HECTD2: variants seen among roughly 807,000 people sequenced by gnomAD.
HECTD2 encodes HECT domain E3 ubiquitin protein ligase 2.
A neutral mutation model predicts 103.2 loss-of-function variants in HECTD2; 35 were observed. The ratio of observed to expected loss-of-function variants is 0.34; its 90% confidence interval spans 0.26 to 0.45. HECTD2 has a LOEUF of 0.45. HECTD2 is among the 20% of genes least tolerant of loss of function. HECTD2 has a pLI of 1.00. For synonymous variants in HECTD2, 281 were observed against 329.9 expected (o/e 0.85, Z 1.61); for missense variants, 596 against 937.4 (o/e 0.64, Z 4.76).
At chr10:91,452,562 G>T (rs567850466) in intron 2 of HECTD2, among the ~76,000 whole-genome samples, 1 of 152,086 alleles carries the variant, frequency 6.6e-6, no homozygotes, top group South Asian at 2.1e-4. Context: ...TGGGTTAATG[G>T]ATTCATGGGT....
At chr10:91,430,994 G>A (rs913618365) in intron 2 of HECTD2, among the ~76,000 whole-genome samples, 1 of 151,242 alleles carries the variant, frequency 6.6e-6, no homozygotes, top group African/African-American at 2.5e-5. Context: ...TTACATTTTG[G>A]CATGATTTTG....
At position 91,487,906 on chromosome 10, in the gene HECTD2, T is replaced by C. The variant is rs1846323199; in HGVS notation, c.1191+128T>C. ...AATGTTAAAAGCAAAATTCGTGTTA[T>C]ACTCACCCAAAAAGTGCTTAAAAAC... is the stretch of plus-strand genomic sequence containing the variant. On this transcript the variant is annotated intron_variant, in intron 11 of 20. Coordinates refer to ENST00000298068, the MANE Select transcript of HECTD2 (RefSeq NM_182765.6). The surrounding 1 kb of genome is among the most constrained non-coding windows in gnomAD (Gnocchi z 4.1). 4 of 574,672 alleles carry C rather than the reference T, an allele frequency of 7.0e-6. No homozygotes were observed. Among genetic ancestry groups the C allele is most frequent in the South Asian group, 6.2e-5 (2 of 32,484 alleles). 35.6% of individuals were successfully genotyped at this position (574,672 alleles called of 1,614,324 possible). A position where few individuals can be genotyped will look rare whatever the true frequency, so the allele number is the denominator to read the frequency against.
Position 91,493,405 on chromosome 10 carries a change from C to A in HECTD2, c.1433-15C>A. 4 of 1,398,142 alleles carry A rather than the reference C, an allele frequency of 2.9e-6. No individual in the cohort carries two copies. The highest frequency in any genetic ancestry group is 2.9e-6 in the Non-Finnish European group (3 of 1,034,952). The allele number at this position is 1,398,142 out of a possible 1,614,324, so 86.6% of individuals were successfully genotyped here. A position where few individuals can be genotyped will look rare whatever the true frequency, so the allele number is the denominator to read the frequency against. The stretch of plus-strand genomic sequence containing the variant: ...CAATCATGTTAATAATAACATTATT[C>A]GTGTGTTTTTTTAGGCATGTTTACA... On this transcript the variant is annotated splice_polypyrimidine_tract_variant and intron_variant, in intron 13 of 20. Transcript: ENST00000298068.
intron 2 of HECTD2, among the ~76,000 whole-genome samples, chr10:91,458,887 T>A (rs1168516490): frequency 6.6e-6 from 1 of 151,956 alleles, no homozygotes; most frequent in African/African-American, 2.4e-5. Flanking sequence ...TTTGACTTCA[T>A]CAAAATTTAA....
intron 2 of HECTD2, among the ~76,000 whole-genome samples, chr10:91,435,265 A>C (rs180699892): frequency 2.0e-5 from 3 of 151,998 alleles, no homozygotes; most frequent in Admixed American, 2.0e-4. Flanking sequence ...CCTGAGAAGC[A>C]AAGGACACCT....
At chr10:91,452,681 G>A (rs1433495065) in intron 2 of HECTD2, among the ~76,000 whole-genome samples, 1 of 151,954 alleles carries the variant, frequency 6.6e-6, no homozygotes, top group African/African-American at 2.4e-5. Flanking sequence ...GGACTTTGCA[G>A]AGTCCCTGTT....
In HECTD2 at chr10:91,513,990, C is replaced by T. The variant is rs1847521608; in HGVS notation, c.*1606C>T. The T allele has an allele frequency of 6.6e-6, 1 of 152,550 alleles. No homozygotes were observed. The highest frequency in any genetic ancestry group is 2.1e-4 in the South Asian group (1 of 4,814). The allele number at this position is 152,550 out of a possible 1,614,324, so 9.4% of individuals were successfully genotyped here. A position where few individuals can be genotyped will look rare whatever the true frequency, so the allele number is the denominator to read the frequency against. On this transcript the variant is annotated 3_prime_UTR_variant, in exon 21 of 21. Transcript: ENST00000298068. ...ATTTCTTCTTAAAAATCTTGGAAAGCCTAAGAGAGTTAAAGGCATCCTGGT... is the reference window on the plus strand; with the variant it reads ...ATTTCTTCTTAAAAATCTTGGAAAGTCTAAGAGAGTTAAAGGCATCCTGGT...
chr10:91,449,071 C>T (rs1844664357), intron 2 of HECTD2, among the ~76,000 whole-genome samples: 1 of 149,192 alleles, frequency 6.7e-6, no homozygotes, highest in South Asian at 2.2e-4. Context: ...GGAGACACAA[C>T]AAAAAAAGAA....
chr10:91,480,952 C>T (rs1187142836), intron 6 of HECTD2, 142 bp from the exon 7 acceptor site: 1 of 557,412 alleles, frequency 1.8e-6, no homozygotes, highest in Non-Finnish European at 3.1e-6. Flanking sequence ...ATATTATGGA[C>T]TGTCTCAATA....
chr10:91,500,897 T>C (rs949844837), intron 19 of HECTD2, among the ~76,000 whole-genome samples: 9 of 152,140 alleles, frequency 5.9e-5, no homozygotes, highest in Non-Finnish European at 7.4e-5. Context: ...GCTATCCTTG[T>C]AAATAACAGT....
At position 91,474,903 on chromosome 10, in the gene HECTD2, T is replaced by C. The variant is rs564755935; in HGVS notation, c.601-3298T>C. Among the ~76,000 whole-genome samples, 23 of 152,294 alleles carry C rather than the reference T, an allele frequency of 1.5e-4. 1 individual carries two copies. The South Asian group carries it at 4.8e-3, about 32-fold the overall frequency. The stretch of plus-strand genomic sequence containing the variant: ...TTGAGGTCTTAATGATGAAAATAAC[T>C]GAAACCATGAGAAGATCTGTGAGAG... On this transcript the variant is annotated intron_variant, in intron 5 of 20. Transcript: ENST00000298068.
chr10:91,429,664 G>A (rs897978830), intron 2 of HECTD2, among the ~76,000 whole-genome samples: 49 of 151,998 alleles, frequency 3.2e-4, no homozygotes, highest in South Asian at 8.3e-4. Context: ...GTTTATTTGC[G>A]TAGAGGTGTT....
At chr10:91,460,351 T>C in intron 2 of HECTD2, 76 bp from the exon 3 acceptor site, 1 of 1,185,680 alleles carries the variant, frequency 8.4e-7, no homozygotes, top group Non-Finnish European at 1.2e-6. Flanking sequence ...TCTGTTCATG[T>C]TGAATTAATC....
At chr10:91,496,404 T>G (rs1195740272) in intron 15 of HECTD2, 32 bp downstream of exon 15, 1 of 1,506,740 alleles carries the variant, frequency 6.6e-7, no homozygotes, top group Admixed American at 1.8e-5. Context: ...TCTTGTCCTT[T>G]AATGCGAAAT....
At chr10:91,440,235 T>G (rs1844345789) in intron 2 of HECTD2, among the ~76,000 whole-genome samples, 2 of 152,158 alleles carry the variant, frequency 1.3e-5, no homozygotes, top group South Asian at 4.1e-4. Context: ...TAGCTCTTAT[T>G]AAGAGAAACA....
At chr10:91,431,304 C>T (rs1409043073) in intron 2 of HECTD2, among the ~76,000 whole-genome samples, 1 of 151,908 alleles carries the variant, frequency 6.6e-6, no homozygotes, top group Non-Finnish European at 1.5e-5. Context: ...TCTCTGGCTT[C>T]CCTTAACATT....
chr10:91,457,093 A>C (rs536344147), intron 2 of HECTD2, among the ~76,000 whole-genome samples: 2 of 152,270 alleles, frequency 1.3e-5, no homozygotes, highest in East Asian at 3.9e-4. Context: ...TTCCTCAAAA[A>C]ACAAAAGCTA....
chr10:91,410,821 A>T (rs1258553300), intron 1 of HECTD2, among the ~76,000 whole-genome samples: 1 of 152,032 alleles, frequency 6.6e-6, no homozygotes, highest in Admixed American at 6.5e-5. Context: ...GTTCCGCTGG[A>T]TGTTTGGGTT....
At chr10:91,437,948 C>CTG (rs1157164749) in intron 2 of HECTD2, among the ~76,000 whole-genome samples, 2 of 151,692 alleles carry the variant, frequency 1.3e-5, no homozygotes, top group Non-Finnish European at 2.9e-5. Flanking sequence ...TGACAAAACA[C>CTG]TTTTTTTAAA....
Sources: allele counts gnomAD v4.1 joint callset (sites outside exome capture counted in the v4.1 genomes callset), GRCh38; gene constraint gnomAD v4.1.1; non-coding constraint Gnocchi (gnomAD v3.1); transcripts MANE v1.5; gene names NCBI Gene and HGNC (gene_info 2026-07-23, HGNC 2026-07-21).